Variants in HOOK1 observed in about 807,000 individuals in gnomAD.
HOOK1 encodes the protein hook microtubule tethering protein 1, also known as protein Hook homolog 1.
In HOOK1, 60 loss-of-function variants were observed where a neutral mutation model predicts 112.8. The observed-to-expected ratio is 0.53, with a 90% CI of 0.43 to 0.66. The LOEUF is 0.66. HOOK1 is among the 30% of genes least tolerant of loss of function. HOOK1 has a pLI of 0.00. For missense variants in HOOK1, 770 were observed against 856.0 expected (o/e 0.90, Z 1.25); for synonymous variants, 294 against 283.8 (o/e 1.04, Z -0.36).
chr1:59,826,445 G>T (rs2098389998), intron 2 of HOOK1, among the ~76,000 whole-genome samples: 1 of 152,104 alleles, frequency 6.6e-6, no homozygotes, highest in South Asian at 2.1e-4. Context: ...GGGTGAATTT[G>T]TGTATAAGAA....
At chr1:59,827,863 A>G (rs1021387438) in intron 2 of HOOK1, among the ~76,000 whole-genome samples, 2 of 151,978 alleles carry the variant, frequency 1.3e-5, no homozygotes, top group East Asian at 3.9e-4. Context: ...TTTTTCCCCT[A>G]TTTTAGTTGG....
Position 59,873,416 on chromosome 1 carries a change from A to G in HOOK1, c.*451A>G, listed in dbSNP as rs1041334933. On this transcript the variant is annotated 3_prime_UTR_variant, in exon 22 of 22. Coordinates refer to ENST00000371208, the MANE Select transcript of HOOK1 (RefSeq NM_015888.6). ...CAGTCTTGAGGCAGGGACATGGAGA[A>G]CTATGCAAGGGTGATTTCTTTGACT... 7 of 152,152 alleles carry G rather than the reference A, an allele frequency of 4.6e-5. No homozygotes were observed. Among genetic ancestry groups the G allele is most frequent in the African/African-American group, 1.7e-4 (7 of 41,406 alleles). 9.4% of individuals were successfully genotyped at this position (152,152 alleles called of 1,614,324 possible).
chr1:59,826,202 GT>G (rs1160461660), intron 2 of HOOK1, among the ~76,000 whole-genome samples: 4 of 152,088 alleles, frequency 2.6e-5, no homozygotes, highest in African/African-American at 9.7e-5. Context: ...CCATATTTTG[GT>G]TCATTAGTCC....
rs1644122795 is a variant in HOOK1, at chr1:59,876,083, A to G, written c.*3118A>G. 6.5e-6 allele frequency: 1 copy of G among 152,694 alleles called. No homozygotes were observed. The highest frequency in any genetic ancestry group is 6.5e-5 in the Admixed American group (1 of 15,288). 9.5% of individuals were successfully genotyped at this position (152,694 alleles called of 1,614,324 possible). A position where few individuals can be genotyped will look rare whatever the true frequency, so the allele number is the denominator to read the frequency against. ...AAAATGTGTGTATGTGAACGTATGC[A>G]TACATTTTTATTGTGCACCTGTACA... On this transcript the variant is annotated 3_prime_UTR_variant, in exon 22 of 22. Transcript: ENST00000371208.
chr1:59,855,979 TATATA>T (rs2098410473), intron 12 of HOOK1, among the ~76,000 whole-genome samples: 4 of 87,428 alleles, frequency 4.6e-5, no homozygotes, highest in African/African-American at 1.4e-4. Context: ...TATATATATA[TATATA>T]TTTTTTTTTT....
intron 21 of HOOK1, among the ~76,000 whole-genome samples, chr1:59,871,446 G>A (rs1025835531): frequency 6.6e-6 from 1 of 152,124 alleles, no homozygotes. Context: ...AAAGGTTTCT[G>A]AAGAAATATG....
At chr1:59,869,891 A>G (rs1644028469) in intron 20 of HOOK1, among the ~76,000 whole-genome samples, 1 of 152,210 alleles carries the variant, frequency 6.6e-6, no homozygotes, top group Admixed American at 6.5e-5. Context: ...ATGTACTTCA[A>G]ACTCATGAAT....
At chr1:59,846,374 T>C (rs2098403785) in intron 9 of HOOK1, among the ~76,000 whole-genome samples, 1 of 151,640 alleles carries the variant, frequency 6.6e-6, no homozygotes, top group Non-Finnish European at 1.5e-5. Context: ...CAAACATCCT[T>C]TATTGGCCTT....
At chr1:59,822,726 C>G (rs1297095884) in intron 2 of HOOK1, among the ~76,000 whole-genome samples, 1 of 152,176 alleles carries the variant, frequency 6.6e-6, no homozygotes, top group Admixed American at 6.5e-5. Flanking sequence ...CTCGTCTTCA[C>G]TGTTTTATAG....
In HOOK1 at chr1:59,849,120, C is replaced by T; in HGVS notation, c.1179C>T (p.Asp393=). ...VKLSSESKRA[D]TLAFEMKRLE... ...TTTCCTCCGAATCCAAGAGGGCAGA[C>T]ACACTAGCGTTTGAAATGAAGCGGC... The change falls in exon 12 of 22, where the codon GAC becomes GAT. Residue 393 remains aspartate (D), a synonymous_variant. Coordinates refer to ENST00000371208, the MANE Select transcript of HOOK1 (RefSeq NM_015888.6). 6.2e-7 allele frequency: 1 copy of T among 1,609,488 alleles called. No individual in the cohort carries two copies. Among genetic ancestry groups the T allele is most frequent in the Non-Finnish European group, 8.5e-7 (1 of 1,176,936 alleles).
chr1:59,842,760 TG>T, intron 8 of HOOK1, among the ~76,000 whole-genome samples: 1 of 152,200 alleles, frequency 6.6e-6, no homozygotes, highest in South Asian at 2.1e-4. Flanking sequence ...TTTTTAAAGA[TG>T]TTTTTAAATG....
At chr1:59,858,307 A>C in intron 12 of HOOK1, 121 bp from the exon 13 acceptor site, 1 of 698,882 alleles carries the variant, frequency 1.4e-6, no homozygotes, top group Admixed American at 2.4e-5. Context: ...TCTTAAAACT[A>C]AAACATTGTC....
intron 16 of HOOK1, among the ~76,000 whole-genome samples, chr1:59,864,066 C>T (rs1363276000): frequency 9.9e-5 from 15 of 151,842 alleles, no homozygotes; most frequent in Admixed American, 2.0e-4. Flanking sequence ...AGATGCGGAA[C>T]GACTATTGCA....
In HOOK1 at chr1:59,840,275, A is replaced by G. The variant is rs74085819; in HGVS notation, c.538-33A>G. On this transcript the variant is annotated intron_variant, in intron 7 of 21. Transcript: ENST00000371208. ...TTTTCTATATTTGTGTCAAAACACG[A>G]TTTACTAAGATTTAGGACATTTTGT... 537 of 1,454,968 alleles carry G rather than the reference A, an allele frequency of 3.7e-4. 3 individuals carry two copies. In the African/African-American group the frequency reaches 6.7e-3, roughly 18 times the overall value. 90.1% of individuals were successfully genotyped at this position (1,454,968 alleles called of 1,614,324 possible).
rs188645295 is a variant in HOOK1, at chr1:59,825,617, G to A, written c.150-3163G>A. Among the ~76,000 whole-genome samples the A allele has an allele frequency of 9.8e-4, 149 of 152,206 alleles. 1 individual carries two copies. Among genetic ancestry groups the A allele is most frequent in the Middle Eastern group, 3.4e-3 (1 of 294 alleles). Reference sequence around the variant, plus strand: ...TTTTTACCTTCAATTTATACAAGAGGACAGAGGTATAAGTAGTTGAAATTG... The same window carrying A: ...TTTTTACCTTCAATTTATACAAGAGAACAGAGGTATAAGTAGTTGAAATTG... On this transcript the variant is annotated intron_variant, in intron 2 of 21. Coordinates refer to ENST00000371208, the MANE Select transcript of HOOK1 (RefSeq NM_015888.6).
chr1:59,865,891 T>C lies in HOOK1; in HGVS notation c.1764T>C (p.Leu588=). ...INQNVQKINE[L]EAALQKKDED... ...TAATAGTACAAAAGATCAATGAACT[T>C]GAAGCTGCTCTTCAGAAGAAAGATG... Residue 588 remains leucine, a synonymous_variant, in exon 19 of 22, where the codon CTT becomes CTC. Coordinates refer to ENST00000371208, the MANE Select transcript of HOOK1 (RefSeq NM_015888.6). The C allele has an allele frequency of 1.3e-6, 2 of 1,584,912 alleles. No individual in the cohort carries two copies. The highest frequency in any genetic ancestry group is 1.7e-6 in the Non-Finnish European group (2 of 1,163,264).
At chr1:59,824,320 G>A (rs2098388251) in intron 2 of HOOK1, among the ~76,000 whole-genome samples, 1 of 151,436 alleles carries the variant, frequency 6.6e-6, no homozygotes, top group Admixed American at 6.6e-5. Context: ...TGATTCTCCT[G>A]CCTCAGCCTC....
intron 19 of HOOK1, among the ~76,000 whole-genome samples, chr1:59,867,377 C>T (rs1203367248): frequency 2.6e-5 from 4 of 152,264 alleles, no homozygotes; most frequent in African/African-American, 9.6e-5. Context: ...CAGTATCTAC[C>T]ACACAGTTGT....
chr1:59,824,409 T>A (rs766349784), intron 2 of HOOK1, among the ~76,000 whole-genome samples: 13 of 152,156 alleles, frequency 8.5e-5, no homozygotes, highest in Non-Finnish European at 1.8e-4. Flanking sequence ...GGTTTCACCA[T>A]GTTGGTCAGG....
Sources: gnomAD v4.1 joint callset for allele counts (sites outside exome capture counted in the v4.1 genomes callset) on GRCh38, gnomAD v4.1.1 for gene constraint, MANE v1.5 for transcripts, NCBI Gene and HGNC (gene_info 2026-07-23, HGNC 2026-07-21) for gene names.